The following HDAC9 variants were observed in gnomAD, a reference collection of about 807,000 sequenced individuals.
HDAC9 encodes histone deacetylase 9, also known as MEF-2 interacting transcription repressor (MITR) protein.
A neutral mutation model predicts 139.4 loss-of-function variants in HDAC9; 41 were observed. The observed-to-expected ratio is 0.29, with a 90% CI of 0.23 to 0.38. The LOEUF (loss-of-function observed/expected upper bound fraction) is 0.38, where lower values mean the gene tolerates loss of function less well. Ranked by LOEUF, HDAC9 falls within the 10% of genes least tolerant of loss-of-function variation. The pLI is 1.00. For synonymous variants in HDAC9, 517 were observed against 476.2 expected (o/e 1.09, Z -1.12); for missense variants, 1,147 against 1,297.0 (o/e 0.88, Z 1.78).
At chr7:18,955,743 T>G (rs1783102769) in intron 24 of HDAC9, among the ~76,000 whole-genome samples, 1 of 152,096 alleles carries the variant, frequency 6.6e-6, no homozygotes. Flanking sequence ...GGCGGTCTGT[T>G]TCTTCAGTCC....
intron 2 of HDAC9, among the ~76,000 whole-genome samples, chr7:18,563,329 CT>C (rs576836986): frequency 1.0e-3 from 152 of 151,352 alleles, no homozygotes; most frequent in Admixed American, 1.8e-3. Context: ...TCAAAGTCAT[CT>C]TTTTTTTTCC....
At chr7:18,847,298 T>C (rs1796973420) in intron 21 of HDAC9, among the ~76,000 whole-genome samples, 1 of 152,226 alleles carries the variant, frequency 6.6e-6, no homozygotes, top group Admixed American at 6.5e-5. Flanking sequence ...AATTTCCATT[T>C]TTTAAACAAG....
chr7:18,464,551 T>C (rs1455889315), intron 1 of HDAC9, among the ~76,000 whole-genome samples: 1 of 152,034 alleles, frequency 6.6e-6, no homozygotes, highest in Non-Finnish European at 1.5e-5. Context: ...TAATTGCATG[T>C]CAGATGTTCT....
At chr7:18,813,404 T>C (rs1014700738) in intron 17 of HDAC9, among the ~76,000 whole-genome samples, 1 of 152,134 alleles carries the variant, frequency 6.6e-6, no homozygotes, top group Non-Finnish European at 1.5e-5. Context: ...TTCTTCTTCC[T>C]AGTCAGGTGT....
chr7:18,797,424 G>A (rs561704072), intron 17 of HDAC9, among the ~76,000 whole-genome samples: 92 of 152,148 alleles, frequency 6.0e-4, no homozygotes, highest in Non-Finnish European at 1.1e-3. Context: ...AAATACCCAC[G>A]AACTCCTCAT....
At chr7:18,483,215 C>T (rs763799077) in intron 1 of HDAC9, among the ~76,000 whole-genome samples, 8 of 152,098 alleles carry the variant, frequency 5.3e-5, no homozygotes, top group Non-Finnish European at 1.0e-4. Flanking sequence ...AAAACAAAGG[C>T]TTCAATGAGT....
intron 2 of HDAC9, among the ~76,000 whole-genome samples, chr7:18,173,226 G>C (rs531954394): frequency 6.6e-6 from 1 of 152,008 alleles, no homozygotes. Context: ...TGTCTCTTTT[G>C]ATCTTTGTTG....
At chr7:18,138,753 C>G (rs1415527235) in intron 1 of HDAC9, among the ~76,000 whole-genome samples, 1 of 152,038 alleles carries the variant, frequency 6.6e-6, no homozygotes, top group Non-Finnish European at 1.5e-5. Flanking sequence ...AGGGACATCG[C>G]TCACATCACA....
chr7:18,583,042 AT>A (rs1336730167), intron 2 of HDAC9, among the ~76,000 whole-genome samples: 2 of 151,936 alleles, frequency 1.3e-5, no homozygotes, highest in Non-Finnish European at 2.9e-5. Flanking sequence ...GCATTCTTTT[AT>A]TTGTTTTGAT....
chr7:18,801,232 CT>C (rs1793259444), intron 17 of HDAC9, among the ~76,000 whole-genome samples: 1 of 151,926 alleles, frequency 6.6e-6, no homozygotes, highest in Admixed American at 6.6e-5. Flanking sequence ...TTACTACAGG[CT>C]ATTGTAAATA....
chr7:18,693,177 A>C (rs2129098942), intron 12 of HDAC9, among the ~76,000 whole-genome samples: 1 of 152,184 alleles, frequency 6.6e-6, no homozygotes, highest in East Asian at 1.9e-4. Context: ...TGGGACTCAC[A>C]GAAAACAATA....
chr7:18,922,245 CATT>C (rs895412746), intron 22 of HDAC9, among the ~76,000 whole-genome samples: 2 of 151,874 alleles, frequency 1.3e-5, no homozygotes, highest in African/African-American at 4.8e-5. Context: ...AATTAAAAAA[CATT>C]AATTATTATA....
At chr7:18,797,720 G>A (rs1792927588) in intron 17 of HDAC9, among the ~76,000 whole-genome samples, 1 of 151,708 alleles carries the variant, frequency 6.6e-6, no homozygotes, top group Non-Finnish European at 1.5e-5. Flanking sequence ...TCCCAGCTAT[G>A]TGGGAGGCTG....
At chr7:18,208,641 G>A (rs529114016) in intron 2 of HDAC9, among the ~76,000 whole-genome samples, 1 of 152,192 alleles carries the variant, frequency 6.6e-6, no homozygotes, top group South Asian at 2.1e-4. Context: ...CTCCAAAAGT[G>A]TTGTGATTAC....
At chr7:18,258,193 G>C (rs956874470) in intron 2 of HDAC9, among the ~76,000 whole-genome samples, 1 of 152,168 alleles carries the variant, frequency 6.6e-6, no homozygotes, top group Non-Finnish European at 1.5e-5. Context: ...CTGGTTAAGC[G>C]TAGATCTATT....
chr7:18,729,055 A>G (rs1429882697), intron 13 of HDAC9, among the ~76,000 whole-genome samples: 1 of 152,174 alleles, frequency 6.6e-6, no homozygotes, highest in Non-Finnish European at 1.5e-5. Flanking sequence ...TGAATCAATC[A>G]TGCCTGGTGC....
chr7:18,520,229 A>G (rs1362141828), intron 2 of HDAC9, among the ~76,000 whole-genome samples: 2 of 152,144 alleles, frequency 1.3e-5, no homozygotes, highest in Non-Finnish European at 2.9e-5. Flanking sequence ...ACATCAAAAT[A>G]TTAAAGTAAT....
At chr7:18,454,028 A>T (rs1793123334) in intron 1 of HDAC9, among the ~76,000 whole-genome samples, 1 of 152,166 alleles carries the variant, frequency 6.6e-6, no homozygotes, top group South Asian at 2.1e-4. Context: ...TCTAATGCGA[A>T]AACAGACATA....
At chr7:18,208,181 C>A (rs570044213) in intron 2 of HDAC9, among the ~76,000 whole-genome samples, 6 of 152,138 alleles carry the variant, frequency 3.9e-5, no homozygotes, top group African/African-American at 1.4e-4. Context: ...CTGTTCAGTT[C>A]TTCTGTTTGA....
Sources: allele counts gnomAD v4.1 joint callset (sites outside exome capture counted in the v4.1 genomes callset), GRCh38; gene constraint gnomAD v4.1.1; transcripts MANE v1.5; gene names NCBI Gene and HGNC (gene_info 2026-07-23, HGNC 2026-07-21).